The following MYT1 variants were observed in gnomAD, a reference collection of about 807,000 sequenced individuals.
The protein encoded by MYT1 is myelin transcription factor I.
A neutral mutation model predicts 123.0 loss-of-function variants in MYT1; 23 were observed. That is an observed-to-expected ratio of 0.19 (90% CI 0.13 to 0.26). The LOEUF (loss-of-function observed/expected upper bound fraction) is 0.26. MYT1 is among the 10% of genes least tolerant of loss of function. The pLI, the probability that MYT1 is intolerant of heterozygous loss-of-function variation, is 1.00. For synonymous variants in MYT1, 518 were observed against 575.3 expected (o/e 0.90, Z 1.43); for missense variants, 1,125 against 1,472.5 (o/e 0.76, Z 3.86).
chr20:64,223,887 C>T (rs1447582305), intron 16 of MYT1, among the ~76,000 whole-genome samples: 1 of 152,208 alleles, frequency 6.6e-6, no homozygotes, highest in African/African-American at 2.4e-5. Context: ...CCCCCATGCT[C>T]ATGCCTTCTC....
In MYT1 at chr20:64,167,679, G is replaced by C. The variant is rs1205878024; in HGVS notation, c.-99+2940G>C. On this transcript the variant is annotated intron_variant, in intron 1 of 22. Transcript: ENST00000328439. The surrounding 1 kb of genome is among the most constrained non-coding windows in gnomAD (Gnocchi z 6.3). ...CCTGTTCTCTTGTAGGAACCTGGGC[G>C]GGAGAGTGGAGCAGGGTGCCCGCAG... Among the ~76,000 whole-genome samples, 1 of 152,196 alleles carries C rather than the reference G, an allele frequency of 6.6e-6. No homozygotes were observed. The highest frequency in any genetic ancestry group is 6.5e-5 in the Admixed American group (1 of 15,284).
Position 64,205,773 on chromosome 20 carries a change from G to C in MYT1, c.370G>C (p.Glu124Gln). Residue 124 changes from glutamate (E) to glutamine (Q), a missense_variant, in exon 6 of 23, where the codon GAG becomes CAG. Coordinates refer to ENST00000328439, the MANE Select transcript of MYT1 (RefSeq NM_004535.3). ...GAEAETSGQDEIHRPETAEGR... is the reference protein window; with the variant it reads ...GAEAETSGQDQIHRPETAEGR... Reference sequence around the variant, plus strand: ...CGAGGCTGAGACGTCAGGACAGGACGAGATTCATCGCCCCGAGACAGCTGA... The same window carrying C: ...CGAGGCTGAGACGTCAGGACAGGACCAGATTCATCGCCCCGAGACAGCTGA... The C allele has an allele frequency of 6.2e-7, 1 of 1,614,084 alleles. No homozygotes were observed. Among genetic ancestry groups the C allele is most frequent in the Non-Finnish European group, 8.5e-7 (1 of 1,180,020 alleles).
chr20:64,211,402 G>C, intron 8 of MYT1, 62 bp downstream of exon 8: 4 of 1,549,062 alleles, frequency 2.6e-6, no homozygotes, highest in Non-Finnish European at 3.5e-6. Context: ...TGTGGTGTTT[G>C]GGTGGTGTCT....
chr20:64,178,060 G>A (rs753507330), intron 1 of MYT1, among the ~76,000 whole-genome samples: 4 of 152,154 alleles, frequency 2.6e-5, no homozygotes, highest in Non-Finnish European at 5.9e-5. Flanking sequence ...CGTCCTGCCC[G>A]GAGGAGGCAC....
chr20:64,221,889 G>T lies in MYT1; in HGVS notation c.2242-4G>T. On this transcript the variant is annotated splice_polypyrimidine_tract_variant and splice_region_variant and intron_variant, in intron 13 of 22. Coordinates refer to ENST00000328439, the MANE Select transcript of MYT1 (RefSeq NM_004535.3). ...TAAAACATCTTCCTGCTGGTTTTTT[G>T]CAGTCAGAGCCAGCAGCCCATTCTT... 3 of 1,611,990 alleles carry T rather than the reference G, an allele frequency of 1.9e-6. No individual in the cohort carries two copies. Among genetic ancestry groups the T allele is most frequent in the Non-Finnish European group, 2.5e-6 (3 of 1,179,626 alleles).
Position 64,214,780 on chromosome 20 carries a change from A to T in MYT1, c.1631+1133A>T, listed in dbSNP as rs191889140. Among the ~76,000 whole-genome samples the T allele has an allele frequency of 3.3e-5, 5 of 152,338 alleles. No homozygotes were observed. In the East Asian group the frequency reaches 9.6e-4, roughly 29 times the overall value. ...GGCTGGGGTGAGCGTGAATGACTGCATAGCCCCTTCCACTGTCCGCCTCCT... is the reference window on the plus strand; with the variant it reads ...GGCTGGGGTGAGCGTGAATGACTGCTTAGCCCCTTCCACTGTCCGCCTCCT... On this transcript the variant is annotated intron_variant, in intron 10 of 22. Coordinates refer to ENST00000328439, the MANE Select transcript of MYT1 (RefSeq NM_004535.3).
At chr20:64,177,975 G>A (rs1055070065) in intron 1 of MYT1, among the ~76,000 whole-genome samples, 6 of 152,126 alleles carry the variant, frequency 3.9e-5, no homozygotes, top group Non-Finnish European at 7.4e-5. Context: ...AGCCAGCTTT[G>A]GAAGCAGACT....
chr20:64,207,498 A>G (rs1601713113), intron 6 of MYT1, 96 bp from the exon 7 acceptor site: 2 of 1,529,644 alleles, frequency 1.3e-6, no homozygotes, highest in East Asian at 4.5e-5. Flanking sequence ...AGTGAGTGGT[A>G]GGTCAGGTGG....
chr20:64,199,532 CA>C (rs1255408261), intron 3 of MYT1, among the ~76,000 whole-genome samples: 1 of 152,216 alleles, frequency 6.6e-6, no homozygotes, highest in Non-Finnish European at 1.5e-5. Context: ...TGTTTCCTGC[CA>C]AAAGCTGACT....
At chr20:64,169,687 A>G (rs1357950371) in intron 1 of MYT1, among the ~76,000 whole-genome samples, 1 of 152,164 alleles carries the variant, frequency 6.6e-6, no homozygotes, top group Non-Finnish European at 1.5e-5. Flanking sequence ...AAAAACAGAG[A>G]TTTGAAATTG....
intron 12 of MYT1, 36 bp from the exon 13 acceptor site, chr20:64,219,677 T>C (rs373812323): frequency 1.2e-5 from 19 of 1,559,978 alleles, no homozygotes; most frequent in Non-Finnish European, 1.7e-5. Context: ...TGGGAAGGGA[T>C]GGAATCGCTA....
At chr20:64,176,565 G>A (rs1982461191) in intron 1 of MYT1, among the ~76,000 whole-genome samples, 1 of 152,262 alleles carries the variant, frequency 6.6e-6, no homozygotes, top group African/African-American at 2.4e-5. Flanking sequence ...TGGGTTCCTT[G>A]TCCTGGGTGT....
intron 8 of MYT1, among the ~76,000 whole-genome samples, chr20:64,211,778 A>G (rs1983673356): frequency 6.6e-6 from 1 of 152,204 alleles, no homozygotes; most frequent in Non-Finnish European, 1.5e-5. Flanking sequence ...AGAGGTTTTA[A>G]AGCTGAGTCT....
At chr20:64,226,028 C>A (rs6010739) in intron 16 of MYT1, among the ~76,000 whole-genome samples, 5 of 152,302 alleles carry the variant, frequency 3.3e-5, no homozygotes, top group Non-Finnish European at 7.4e-5. Context: ...CTCTGGCCAC[C>A]TGAGTGGCCA....
chr20:64,228,296 C>T (rs1812982509), intron 18 of MYT1, among the ~76,000 whole-genome samples: 1 of 152,210 alleles, frequency 6.6e-6, no homozygotes, highest in Non-Finnish European at 1.5e-5. Context: ...GGAGTGGGCC[C>T]CAGGGCCTTG....
In MYT1 at chr20:64,217,197, G is replaced by A. The variant is rs746331377; in HGVS notation, c.1762G>A (p.Ala588Thr). 6.2e-6 allele frequency: 10 copies of A among 1,614,244 alleles called. No homozygotes were observed. Among genetic ancestry groups the A allele is most frequent in the Non-Finnish European group, 8.5e-6 (10 of 1,180,044 alleles). Residue 588 changes from alanine to threonine, a missense_variant, in exon 11 of 23, where the codon GCA (alanine) becomes ACA (threonine). Physicochemically the swap from Ala to Thr is moderately conservative, Grantham distance 58. Coordinates refer to ENST00000328439, the MANE Select transcript of MYT1 (RefSeq NM_004535.3). Reference protein sequence around the residue: ...EKFSKVTFDYASFDAQVFGKR... With the variant: ...EKFSKVTFDYTSFDAQVFGKR... ...GTTCTCCAAGGTCACCTTTGACTAC[G>A]CAAGTTTCGATGCTCAGGTTTTTGG...
chr20:64,170,934 G>GAC lies in MYT1; in HGVS notation c.-99+6196_-99+6197dup, dbSNP rs1555952880. On this transcript the variant is annotated intron_variant, in intron 1 of 22. Transcript: ENST00000328439. The stretch of plus-strand genomic sequence containing the variant: ...AGAGAGAGAGAGAGAGAGAGAGAGA[G>GAC]ACGGAGTCTTGCTCTGTTGGCCTGG... Among the ~76,000 whole-genome samples the GAC allele has an allele frequency of 1.0e-3, 132 of 131,660 alleles. 2 individuals are homozygous for GAC. The highest frequency in any genetic ancestry group is 4.0e-3 in the Middle Eastern group (1 of 248). The allele number at this position is 131,660 out of a possible 152,430, so 86.4% of individuals were successfully genotyped here. A position where few individuals can be genotyped will look rare whatever the true frequency, so the allele number is the denominator to read the frequency against.
intron 11 of MYT1, 98 bp downstream of exon 11, chr20:64,217,379 C>G (rs1202207487): frequency 7.6e-7 from 1 of 1,317,414 alleles, no homozygotes; most frequent in Non-Finnish European, 1.1e-6. Flanking sequence ...CGAGGAGCTA[C>G]TAGGGAGGGA....
chr20:64,235,808 CTGTGGTGGGTGA>C (rs1568722758), intron 19 of MYT1, among the ~76,000 whole-genome samples: 6,005 of 108,048 alleles, frequency 0.056, 1,038 homozygotes, highest in African/African-American at 0.13. Flanking sequence ...ACTGGGCTGG[CTGTGGTGGGTGA>C]CACTGGGCTG....
Sources: allele counts gnomAD v4.1 joint callset (sites outside exome capture counted in the v4.1 genomes callset), GRCh38; gene constraint gnomAD v4.1.1; non-coding constraint Gnocchi (gnomAD v3.1); transcripts MANE v1.5; gene names NCBI Gene and HGNC (gene_info 2026-07-23, HGNC 2026-07-21).